The following SPICE1 variants were observed in gnomAD, a reference collection of about 807,000 sequenced individuals.
The protein encoded by SPICE1 is spindle and centriole associated protein 1, also known as spindle and centriole-associated protein 1.
A neutral mutation model predicts 102.7 loss-of-function variants in SPICE1; 75 were observed. The observed-to-expected ratio is 0.73, with a 90% CI of 0.61 to 0.88. SPICE1 has a LOEUF of 0.88. Among genes scored for constraint, SPICE1 ranks in the 40% least tolerant of loss-of-function variants. The probability of loss-of-function intolerance (pLI) is 0.00; values close to 1 mark genes in which losing one functional copy is unlikely to be tolerated. For missense variants in SPICE1, 979 were observed against 1,020.1 expected (o/e 0.96, Z 0.55); for synonymous variants, 308 against 350.3 (o/e 0.88, Z 1.35).
chr3:113,466,566 T>A (rs1378652072), intron 10 of SPICE1, among the ~76,000 whole-genome samples: 2 of 149,486 alleles, frequency 1.3e-5, no homozygotes, highest in African/African-American at 5.0e-5. Flanking sequence ...GCCAAGATCA[T>A]GCCACTGCAC....
chr3:113,444,110 T>G lies in SPICE1; in HGVS notation c.*1197A>C, dbSNP rs777120452. 7.2e-5 allele frequency: 11 copies of G among 152,084 alleles called. No individual in the cohort carries two copies. The highest frequency in any genetic ancestry group is 1.3e-4 in the Non-Finnish European group (9 of 68,024). The allele number at this position is 152,084 out of a possible 1,614,324, so 9.4% of individuals were successfully genotyped here. A position where few individuals can be genotyped will look rare whatever the true frequency, so the allele number is the denominator to read the frequency against. On this transcript the variant is annotated 3_prime_UTR_variant, in exon 18 of 18. Transcript: ENST00000295872. ...TCTCAGTTTGAATTGTTCACTCAGG[T>G]TGAGAATTCCTATCATAGAGCCAGG...
chr3:113,475,694 T>C (rs1191008802), intron 7 of SPICE1, among the ~76,000 whole-genome samples: 1 of 152,176 alleles, frequency 6.6e-6, no homozygotes, highest in Non-Finnish European at 1.5e-5. Flanking sequence ...CACATAATTA[T>C]CTCAATAGAT....
Position 113,509,061 on chromosome 3 carries a change from T to C in SPICE1, c.1-2456A>G, listed in dbSNP as rs115015935. 8.9e-3 allele frequency among the ~76,000 whole-genome samples: 1,352 copies of C among 152,192 alleles called. 23 individuals carry two copies. The highest frequency in any genetic ancestry group is 0.031 in the African/African-American group (1,289 of 41,530). On this transcript the variant is annotated intron_variant, in intron 1 of 17. Coordinates refer to ENST00000295872, the MANE Select transcript of SPICE1 (RefSeq NM_144718.4). The stretch of plus-strand genomic sequence containing the variant: ...GTAAATCCACAGAGACATAGATTAG[T>C]GATTGCCAGCATCTAGAGGGAGCAT...
chr3:113,478,205 T>A (rs1041049354), intron 7 of SPICE1, among the ~76,000 whole-genome samples: 2 of 152,040 alleles, frequency 1.3e-5, no homozygotes, highest in African/African-American at 4.8e-5. Context: ...GAAGTTAACA[T>A]CAAACATATC....
chr3:113,471,972 C>T (rs57591967), intron 7 of SPICE1, among the ~76,000 whole-genome samples: 3,923 of 152,172 alleles, frequency 0.026, 66 homozygotes, highest in East Asian at 0.054. Context: ...GTGCGCGAGC[C>T]GAAGCAGGGC....
At chr3:113,493,380 T>C in intron 5 of SPICE1, 68 bp from the exon 6 acceptor site, 1 of 1,229,830 alleles carries the variant, frequency 8.1e-7, no homozygotes, top group South Asian at 1.3e-5. Flanking sequence ...AGCTCTATAC[T>C]GCCATTGGTT....
chr3:113,470,512 T>C (rs1048053176), intron 7 of SPICE1, among the ~76,000 whole-genome samples: 1 of 152,212 alleles, frequency 6.6e-6, no homozygotes, highest in African/African-American at 2.4e-5. Context: ...ACAGAAATAC[T>C]GCTAGCTTAA....
intron 10 of SPICE1, among the ~76,000 whole-genome samples, chr3:113,467,785 GAA>G (rs1936095246): frequency 1.3e-5 from 2 of 152,154 alleles, no homozygotes; most frequent in South Asian, 4.1e-4. Context: ...AGGAAGCAGA[GAA>G]TAGCAATAGA....
chr3:113,499,329 A>C, intron 4 of SPICE1, 110 bp downstream of exon 4: 1 of 1,189,114 alleles, frequency 8.4e-7, no homozygotes, highest in Non-Finnish European at 1.1e-6. Context: ...TTATTGAATA[A>C]GAATGCAGTG....
At chr3:113,473,661 C>T (rs1321035639) in intron 7 of SPICE1, among the ~76,000 whole-genome samples, 1 of 151,634 alleles carries the variant, frequency 6.6e-6, no homozygotes, top group African/African-American at 2.4e-5. Flanking sequence ...AATTTTCAAC[C>T]CAGAATTTCA....
Position 113,514,885 on chromosome 3 carries a change from C to G in SPICE1, c.-1+12G>C. The G allele has an allele frequency of 8.3e-7, 1 of 1,202,726 alleles. No homozygotes were observed. Among genetic ancestry groups the G allele is most frequent in the Non-Finnish European group, 1.1e-6 (1 of 947,504 alleles). 74.5% of individuals were successfully genotyped at this position (1,202,726 alleles called of 1,614,324 possible). On this transcript the variant is annotated intron_variant, in intron 1 of 17. Transcript: ENST00000295872. ...CGCACAAACATACCCAGACACGCAC[C>G]CTGACACGTACTTGCACTCTCAAAA...
At chr3:113,493,392 G>C in intron 5 of SPICE1, 80 bp from the exon 6 acceptor site, 1 of 1,079,480 alleles carries the variant, frequency 9.3e-7, no homozygotes, top group South Asian at 1.3e-5. Context: ...CCATTGGTTT[G>C]CATCATCATA....
At chr3:113,476,538 T>G (rs1347385700) in intron 7 of SPICE1, among the ~76,000 whole-genome samples, 5 of 142,910 alleles carry the variant, frequency 3.5e-5, no homozygotes, top group Admixed American at 6.8e-5. Context: ...CAAACTATAC[T>G]ACAAGGCTAC....
At chr3:113,514,861 G>C in intron 1 of SPICE1, 36 bp downstream of exon 1, 1 of 1,224,786 alleles carries the variant, frequency 8.2e-7, no homozygotes, top group Non-Finnish European at 1.0e-6. Flanking sequence ...CTGGCGCCAC[G>C]CACAAACATA....
intron 7 of SPICE1, among the ~76,000 whole-genome samples, chr3:113,486,037 G>T (rs143404329): frequency 6.6e-6 from 1 of 151,912 alleles, no homozygotes; most frequent in Non-Finnish European, 1.5e-5. Flanking sequence ...CTTGAACCTG[G>T]GATGTGGAGG....
chr3:113,495,789 C>T (rs2107497721), intron 4 of SPICE1, among the ~76,000 whole-genome samples: 1 of 152,234 alleles, frequency 6.6e-6, no homozygotes, highest in South Asian at 2.1e-4. Flanking sequence ...TTACACAAAG[C>T]TTATTTCCTA....
At chr3:113,484,474 T>C (rs1936596162) in intron 7 of SPICE1, among the ~76,000 whole-genome samples, 2 of 152,298 alleles carry the variant, frequency 1.3e-5, no homozygotes, top group African/African-American at 4.8e-5. Flanking sequence ...TGATGTTAGG[T>C]GTCAATTTTA....
At chr3:113,477,046 G>A (rs1247388838) in intron 7 of SPICE1, among the ~76,000 whole-genome samples, 4 of 151,722 alleles carry the variant, frequency 2.6e-5, no homozygotes, top group Non-Finnish European at 5.9e-5. Context: ...CTGACAAAGG[G>A]CTAATATCCA....
chr3:113,460,074 AT>A (rs1471492468), intron 12 of SPICE1: 5 of 985,332 alleles, frequency 5.1e-6, no homozygotes, highest in Non-Finnish European at 6.0e-6. Context: ...AGTAAAACAC[AT>A]GAAAAAACCA....
Sources: gnomAD v4.1 joint callset for allele counts (sites outside exome capture counted in the v4.1 genomes callset) on GRCh38, gnomAD v4.1.1 for gene constraint, MANE v1.5 for transcripts, NCBI Gene and HGNC (gene_info 2026-07-23, HGNC 2026-07-21) for gene names.